SLCO5A1: variants seen among roughly 807,000 people sequenced by gnomAD.
The protein encoded by SLCO5A1 is organic anion transporter polypeptide-related protein 4.
In SLCO5A1, 39 loss-of-function variants were observed where a neutral mutation model predicts 65.1. The observed-to-expected ratio is 0.60, with a 90% CI of 0.46 to 0.78. SLCO5A1 has a LOEUF of 0.78. SLCO5A1 is among the 30% of genes least tolerant of loss of function. SLCO5A1 has a pLI of 0.00. For missense variants in SLCO5A1, 1,029 were observed against 1,069.4 expected (o/e 0.96, Z 0.53); for synonymous variants, 438 against 415.7 (o/e 1.05, Z -0.65).
intron 6 of SLCO5A1, among the ~76,000 whole-genome samples, chr8:69,695,819 A>C (rs976028198): frequency 6.6e-6 from 1 of 152,214 alleles, no homozygotes; most frequent in Non-Finnish European, 1.5e-5. Context: ...AGGGGATGGA[A>C]GAAAGAAGTT....
In SLCO5A1 at chr8:69,671,818, T is replaced by C. The variant is rs926475759; in HGVS notation, c.*1051A>G. The C allele has an allele frequency of 1.3e-5, 2 of 152,230 alleles. No individual in the cohort carries two copies. Among genetic ancestry groups the C allele is most frequent in the Admixed American group, 1.3e-4 (2 of 15,288 alleles). 9.4% of individuals were successfully genotyped at this position (152,230 alleles called of 1,614,324 possible). A position where few individuals can be genotyped will look rare whatever the true frequency, so the allele number is the denominator to read the frequency against. On this transcript the variant is annotated 3_prime_UTR_variant, in exon 10 of 10. Transcript: ENST00000260126. ...CCTCCTGTATTCTAAGTGATTTTCA[T>C]ATCCCAGGCACAGATTTCCTGATAT...
intron 2 of SLCO5A1, among the ~76,000 whole-genome samples, chr8:69,828,038 T>C (rs528619570): frequency 6.6e-6 from 1 of 152,286 alleles, no homozygotes; most frequent in South Asian, 2.1e-4. Flanking sequence ...CAGAAAGTCA[T>C]GGGGTTGAGG....
chr8:69,716,285 T>C (rs1184826631), intron 5 of SLCO5A1, among the ~76,000 whole-genome samples: 3 of 152,246 alleles, frequency 2.0e-5, no homozygotes, highest in Non-Finnish European at 2.9e-5. Context: ...AATGCTGCTA[T>C]GAACATTCAT....
At chr8:69,707,445 A>G (rs1337481254) in intron 5 of SLCO5A1, among the ~76,000 whole-genome samples, 2 of 152,216 alleles carry the variant, frequency 1.3e-5, no homozygotes, top group Non-Finnish European at 2.9e-5. Flanking sequence ...AAATAACGAA[A>G]TTGAGGATTC....
intron 2 of SLCO5A1, among the ~76,000 whole-genome samples, chr8:69,806,757 T>C (rs185875141): frequency 6.6e-6 from 1 of 152,360 alleles, no homozygotes; most frequent in Non-Finnish European, 1.5e-5. Flanking sequence ...CAAGGTCTTA[T>C]ATTTATTTGC....
At chr8:69,778,154 A>T (rs1241348560) in intron 2 of SLCO5A1, among the ~76,000 whole-genome samples, 1 of 152,090 alleles carries the variant, frequency 6.6e-6, no homozygotes, top group African/African-American at 2.4e-5. Context: ...ACGAGGTTTT[A>T]GGCATGCATC....
Position 69,769,667 on chromosome 8 carries a change from A to T in SLCO5A1, c.908-7792T>A, listed in dbSNP as rs560548588. Among the ~76,000 whole-genome samples the T allele has an allele frequency of 3.9e-5, 6 of 152,322 alleles. No individual in the cohort carries two copies. In the East Asian group the frequency reaches 9.6e-4, roughly 24 times the overall value. Reference sequence around the variant, plus strand: ...ATACTTAACACCTTTATGTTATCTTAGTAAGTTATCTCTTCTGGATTCATT... The same window carrying T: ...ATACTTAACACCTTTATGTTATCTTTGTAAGTTATCTCTTCTGGATTCATT... On this transcript the variant is annotated intron_variant, in intron 2 of 9. Transcript: ENST00000260126.
intron 6 of SLCO5A1, among the ~76,000 whole-genome samples, chr8:69,685,079 G>T (rs1052269362): frequency 3.3e-5 from 5 of 152,142 alleles, no homozygotes; most frequent in Admixed American, 3.3e-4. Context: ...GAAATGAAAG[G>T]CTCTAAGAAA....
intron 2 of SLCO5A1, among the ~76,000 whole-genome samples, chr8:69,781,212 C>A (rs535174580): frequency 1.3e-5 from 2 of 152,328 alleles, no homozygotes; most frequent in South Asian, 4.1e-4. Context: ...CTTGAAGAAG[C>A]ATGATTTCCA....
chr8:69,804,090 G>C (rs913344027), intron 2 of SLCO5A1, among the ~76,000 whole-genome samples: 8 of 152,170 alleles, frequency 5.3e-5, no homozygotes, highest in African/African-American at 1.7e-4. Flanking sequence ...GGTTAGGAAA[G>C]AGTTGCCTTC....
intron 2 of SLCO5A1, among the ~76,000 whole-genome samples, chr8:69,812,185 C>G (rs1438424069): frequency 6.6e-6 from 1 of 152,076 alleles, no homozygotes; most frequent in African/African-American, 2.4e-5. Flanking sequence ...TTTTAAAGCC[C>G]TTGGGGATCA....
chr8:69,698,122 C>CT (rs1225484025), intron 6 of SLCO5A1, among the ~76,000 whole-genome samples: 10 of 152,114 alleles, frequency 6.6e-5, no homozygotes, highest in Admixed American at 2.0e-4. Context: ...TTTTCTGTTC[C>CT]TGTGTTAGTT....
intron 5 of SLCO5A1, among the ~76,000 whole-genome samples, chr8:69,715,902 G>C (rs968780709): frequency 2.0e-5 from 3 of 152,052 alleles, no homozygotes; most frequent in African/African-American, 7.2e-5. Context: ...ACAGAAACAT[G>C]CAATCATCAC....
At chr8:69,791,349 A>G (rs375607680) in intron 2 of SLCO5A1, among the ~76,000 whole-genome samples, 117 of 152,372 alleles carry the variant, frequency 7.7e-4, no homozygotes, top group African/African-American at 2.7e-3. Context: ...CTGCAAAACC[A>G]GAATGGCAGC....
rs149362749 is a variant in SLCO5A1, at chr8:69,755,558, C to T, written c.1124G>A (p.Arg375Gln). ...MFTFPKKLPP[R>Q]HKKKKKKKFS... The stretch of plus-strand genomic sequence containing the variant: ...TTTTTTCTTTTTCTTTTTCTTGTGT[C>T]GAGGTGGAAGCTTTTTTGGGAAAGT... The change falls in exon 4 of 10, where the codon CGA becomes CAA. Residue 375 changes from arginine (R) to glutamine (Q), a missense_variant. Transcript: ENST00000260126. 5.7e-3 allele frequency: 9,192 copies of T among 1,613,834 alleles called. 25 individuals are homozygous for T. Among genetic ancestry groups the T allele is most frequent in the Non-Finnish European group, 7.0e-3 (8,297 of 1,179,966 alleles).
At chr8:69,787,068 A>T (rs751018903) in intron 2 of SLCO5A1, among the ~76,000 whole-genome samples, 2 of 152,204 alleles carry the variant, frequency 1.3e-5, no homozygotes, top group Non-Finnish European at 2.9e-5. Context: ...TCCCTTCCCC[A>T]TGAATGCAGC....
At chr8:69,778,951 A>G (rs1017353890) in intron 2 of SLCO5A1, among the ~76,000 whole-genome samples, 3 of 152,200 alleles carry the variant, frequency 2.0e-5, no homozygotes, top group African/African-American at 7.2e-5. Flanking sequence ...TAACAATTCA[A>G]GGGTTAACAA....
chr8:69,806,518 T>C (rs1819996696), intron 2 of SLCO5A1, among the ~76,000 whole-genome samples: 1 of 152,144 alleles, frequency 6.6e-6, no homozygotes, highest in Admixed American at 6.5e-5. Context: ...GTGTATAACA[T>C]AGGTGGAGTA....
intron 5 of SLCO5A1, among the ~76,000 whole-genome samples, chr8:69,728,164 G>T (rs1816172393): frequency 6.6e-6 from 1 of 151,762 alleles, no homozygotes; most frequent in Non-Finnish European, 1.5e-5. Flanking sequence ...GCCAACCTTT[G>T]GAAAGAAAGG....
Sources: allele counts gnomAD v4.1 joint callset (sites outside exome capture counted in the v4.1 genomes callset), GRCh38; gene constraint gnomAD v4.1.1; transcripts MANE v1.5; gene names NCBI Gene and HGNC (gene_info 2026-07-23, HGNC 2026-07-21).